The following STK3 variants were observed in gnomAD, a reference collection of about 807,000 sequenced individuals.
STK3 encodes the protein serine/threonine kinase 3, also known as serine/threonine-protein kinase 3.
Under a neutral mutation model 58.0 loss-of-function variants are expected in STK3, and 41 were observed. The observed-to-expected ratio is 0.71, with a 90% confidence interval of 0.55 to 0.92. The LOEUF (loss-of-function observed/expected upper bound fraction) is 0.92, where lower values mean the gene tolerates loss of function less well. STK3 is among the 40% of genes least tolerant of loss of function. The pLI is 0.00. For synonymous variants in STK3, 170 were observed against 191.0 expected (o/e 0.89, Z 0.91); for missense variants, 479 against 602.7 (o/e 0.79, Z 2.15).
chr8:98,483,020 T>C (rs1821973465), intron 10 of STK3, among the ~76,000 whole-genome samples: 1 of 152,126 alleles, frequency 6.6e-6, no homozygotes, highest in African/African-American at 2.4e-5. Flanking sequence ...TTAGGACAAA[T>C]GGGTTTAAAG....
intron 10 of STK3, among the ~76,000 whole-genome samples, chr8:98,483,267 T>C (rs774085493): frequency 5.9e-5 from 9 of 152,334 alleles, no homozygotes; most frequent in Middle Eastern, 3.4e-3. Context: ...ATGATTAATA[T>C]AACACACATA....
At chr8:98,848,596 C>T (rs897084628) in intron 3 of STK3, among the ~76,000 whole-genome samples, 3 of 152,202 alleles carry the variant, frequency 2.0e-5, no homozygotes, top group Admixed American at 2.0e-4. Context: ...TGAATGGAAT[C>T]ATATAAAATG....
chr8:98,703,396 T>C (rs1293273503), intron 6 of STK3, among the ~76,000 whole-genome samples: 1 of 151,884 alleles, frequency 6.6e-6, no homozygotes, highest in Non-Finnish European at 1.5e-5. Flanking sequence ...ATTACTACAG[T>C]ACAAAAAAAA....
At chr8:98,923,015 C>A (rs191426007) in intron 1 of STK3, among the ~76,000 whole-genome samples, 164 of 152,218 alleles carry the variant, frequency 1.1e-3, no homozygotes, top group African/African-American at 3.8e-3. Context: ...GTTTGCTGAC[C>A]TCATTTCATG....
At chr8:98,429,147 A>C (rs773398889) in intron 3 of STK3, 1 of 1,613,376 alleles carries the variant, frequency 6.2e-7, no homozygotes, top group Non-Finnish European at 8.5e-7. Flanking sequence ...AGGAAAGCTG[A>C]CTGCCTCTGC....
At chr8:98,887,246 C>T (rs993484231) in intron 1 of STK3, among the ~76,000 whole-genome samples, 1 of 152,094 alleles carries the variant, frequency 6.6e-6, no homozygotes, top group Non-Finnish European at 1.5e-5. Context: ...CATCCATTTT[C>T]CCCCCGAATC....
intron 6 of STK3, among the ~76,000 whole-genome samples, chr8:98,701,709 C>A (rs1825642564): frequency 1.3e-5 from 2 of 151,944 alleles, no homozygotes; most frequent in Middle Eastern, 3.4e-3. Flanking sequence ...CTCTCTCACA[C>A]TCACTTCCTA....
At chr8:98,737,992 G>C (rs143742618) in intron 4 of STK3, among the ~76,000 whole-genome samples, 1,848 of 152,250 alleles carry the variant, frequency 0.012, 20 homozygotes, top group Non-Finnish European at 0.016. Flanking sequence ...TTACAGGCGT[G>C]AGCCACCGCA....
chr8:98,383,536 A>T (rs978285225), intron 1 of STK3, among the ~76,000 whole-genome samples: 3 of 152,242 alleles, frequency 2.0e-5, no homozygotes, highest in Admixed American at 6.5e-5. Flanking sequence ...TTTTAAGAAT[A>T]GCCTGAGATC....
chr8:98,644,169 G>T (rs1820228465), intron 6 of STK3, among the ~76,000 whole-genome samples: 1 of 152,056 alleles, frequency 6.6e-6, no homozygotes, highest in Admixed American at 6.5e-5. Flanking sequence ...TAGCACTACT[G>T]AACTTCCCCT....
At chr8:98,610,599 A>G (rs1817118795) in intron 6 of STK3, among the ~76,000 whole-genome samples, 1 of 152,200 alleles carries the variant, frequency 6.6e-6, no homozygotes, top group South Asian at 2.1e-4. Flanking sequence ...TGTCTTGTCC[A>G]TCACTAGCCT....
intron 9 of STK3, among the ~76,000 whole-genome samples, chr8:98,536,922 C>T (rs1481654579): frequency 5.3e-5 from 8 of 152,190 alleles, no homozygotes; most frequent in Non-Finnish European, 7.4e-5. Context: ...AATATCACTA[C>T]GTCTCAGATA....
the STK3 span, among the ~76,000 whole-genome samples, chr8:98,353,579 T>C: frequency 2.0e-5 from 3 of 152,254 alleles, no homozygotes; most frequent in Admixed American, 6.5e-5. Context: ...TATCTCATTA[T>C]GTATATGCAA....
chr8:98,714,789 G>T (rs1485500488), intron 4 of STK3, among the ~76,000 whole-genome samples: 3 of 151,980 alleles, frequency 2.0e-5, no homozygotes, highest in Non-Finnish European at 4.4e-5. Context: ...CTATTTTAAA[G>T]TTCATATGGA....
In STK3 at chr8:98,710,389, T is replaced by C. The variant is rs536639567; in HGVS notation, c.352-3078A>G. On this transcript the variant is annotated intron_variant, in intron 4 of 10. Transcript: ENST00000419617. ...CAAGGGGTCAGGGAATTCCCTTTCCTAGTCAAAGAAAGGGGTGACAGATGG... is the reference window on the plus strand; with the variant it reads ...CAAGGGGTCAGGGAATTCCCTTTCCCAGTCAAAGAAAGGGGTGACAGATGG... 3.9e-5 allele frequency among the ~76,000 whole-genome samples: 6 copies of C among 152,288 alleles called. No individual in the cohort carries two copies. In the South Asian group the frequency reaches 1.2e-3, roughly 32 times the overall value.
intron 4 of STK3, among the ~76,000 whole-genome samples, chr8:98,724,808 G>A (rs75228080): frequency 6.6e-6 from 1 of 152,286 alleles, no homozygotes; most frequent in Non-Finnish European, 1.5e-5. Flanking sequence ...AGACCATGCA[G>A]AGAAGCCAAA....
chr8:98,362,989 GTC>G, the STK3 span, among the ~76,000 whole-genome samples: 4 of 152,150 alleles, frequency 2.6e-5, no homozygotes, highest in African/African-American at 4.8e-5. Context: ...ATCATTATCA[GTC>G]TCTCTCTCAC....
chr8:98,764,347 C>A (rs1174084341), intron 3 of STK3, among the ~76,000 whole-genome samples: 1 of 152,174 alleles, frequency 6.6e-6, no homozygotes, highest in Non-Finnish European at 1.5e-5. Flanking sequence ...CTCATACATA[C>A]CACACCCTTT....
At chr8:98,562,737 GA>G (rs778049177) in intron 8 of STK3, among the ~76,000 whole-genome samples, 211 of 17,378 alleles carry the variant, frequency 0.012, no homozygotes, top group African/African-American at 0.02. Flanking sequence ...CACAAAAAAT[GA>G]AAAAAAAAAA....
Sources: gnomAD v4.1 joint callset for allele counts (sites outside exome capture counted in the v4.1 genomes callset) on GRCh38, gnomAD v4.1.1 for gene constraint, MANE v1.5 for transcripts, NCBI Gene and HGNC (gene_info 2026-07-23, HGNC 2026-07-21) for gene names.